The following BEND4 variants were observed in gnomAD, a reference collection of about 807,000 sequenced individuals.
BEND4 encodes BEN domain containing 4, also known as BEN domain-containing protein 4.
BEND4 carries 27 observed loss-of-function variants against 54.7 expected under a neutral mutation model. That is an observed-to-expected ratio of 0.49 (90% CI 0.36 to 0.68). BEND4 has a LOEUF of 0.68. BEND4 is among the 30% of genes least tolerant of loss of function. The pLI is 0.00. For synonymous variants in BEND4, 327 were observed against 299.5 expected (o/e 1.09, Z -0.95); for missense variants, 702 against 697.2 (o/e 1.01, Z -0.08).
chr4:42,135,790 CA>C, intron 3 of BEND4, among the ~76,000 whole-genome samples: 1 of 142,522 alleles, frequency 7.0e-6, no homozygotes, highest in African/African-American at 3.0e-5. Context: ...ACCAACCAAA[CA>C]AACATACAAA....
Position 42,117,461 on chromosome 4 carries a change from C to T in BEND4, c.*57G>A, listed in dbSNP as rs1026203540. On this transcript the variant is annotated 3_prime_UTR_variant, in exon 6 of 6. Transcript: ENST00000502486. ...GGACTCTCAGGTGACAGGAACAGGACATTCACAATTGGAACTCTTGAGAGG... is the reference window on the plus strand; with the variant it reads ...GGACTCTCAGGTGACAGGAACAGGATATTCACAATTGGAACTCTTGAGAGG... 8.9e-6 allele frequency: 11 copies of T among 1,236,192 alleles called. No individual in the cohort carries two copies. Among genetic ancestry groups the T allele is most frequent in the East Asian group, 2.5e-5 (1 of 40,316 alleles). 76.6% of individuals were successfully genotyped at this position (1,236,192 alleles called of 1,614,324 possible). A position where few individuals can be genotyped will look rare whatever the true frequency, so the allele number is the denominator to read the frequency against.
intron 3 of BEND4, among the ~76,000 whole-genome samples, chr4:42,136,567 C>A (rs961034603): frequency 1.4e-4 from 22 of 152,374 alleles, no homozygotes; most frequent in Admixed American, 1.3e-3. Flanking sequence ...GACATGCATA[C>A]ATTCCCAGCT....
At chr4:42,125,015 A>C (rs1434554134) in intron 4 of BEND4, among the ~76,000 whole-genome samples, 1 of 152,204 alleles carries the variant, frequency 6.6e-6, no homozygotes, top group Non-Finnish European at 1.5e-5. Context: ...CATGGTTCTC[A>C]AGTCTCGTAT....
intron 4 of BEND4, among the ~76,000 whole-genome samples, chr4:42,122,691 C>T (rs968612443): frequency 2.6e-5 from 4 of 152,140 alleles, no homozygotes; most frequent in African/African-American, 4.8e-5. Context: ...TGTAAATATT[C>T]GTCAGCCTTA....
At chr4:42,147,069 G>C (rs927826052) in intron 2 of BEND4, among the ~76,000 whole-genome samples, 2 of 151,910 alleles carry the variant, frequency 1.3e-5, no homozygotes, top group African/African-American at 4.8e-5. Flanking sequence ...TGAGAGAATA[G>C]TTACAATCAT....
chr4:42,141,557 C>T (rs201906459), intron 3 of BEND4, among the ~76,000 whole-genome samples: 14 of 152,170 alleles, frequency 9.2e-5, no homozygotes, highest in African/African-American at 3.1e-4. Flanking sequence ...TGTGGCGAAA[C>T]GCTGTCTCTA....
chr4:42,142,158 G>A (rs1052943678), intron 3 of BEND4, among the ~76,000 whole-genome samples: 6 of 150,674 alleles, frequency 4.0e-5, no homozygotes, highest in Non-Finnish European at 7.4e-5. Context: ...GCCCCCCCTC[G>A]GCCTCCCAAA....
At chr4:42,124,407 G>A (rs1456847093) in intron 4 of BEND4, among the ~76,000 whole-genome samples, 1 of 152,194 alleles carries the variant, frequency 6.6e-6, no homozygotes, top group Non-Finnish European at 1.5e-5. Flanking sequence ...AGGCAGTAGA[G>A]AGTGAGAGAA....
chr4:42,149,366 T>A (rs1379209990), intron 2 of BEND4, among the ~76,000 whole-genome samples: 1 of 152,188 alleles, frequency 6.6e-6, no homozygotes, highest in African/African-American at 2.4e-5. Context: ...CCATCAGTGA[T>A]TAATATTATG....
chr4:42,148,328 A>C (rs942155785), intron 2 of BEND4, among the ~76,000 whole-genome samples: 1 of 152,220 alleles, frequency 6.6e-6, no homozygotes, highest in Admixed American at 6.5e-5. Flanking sequence ...CTAAATAAAT[A>C]AATCAATGAT....
intron 3 of BEND4, among the ~76,000 whole-genome samples, chr4:42,138,702 CAA>C (rs1720782419): frequency 6.6e-6 from 1 of 152,142 alleles, no homozygotes; most frequent in African/African-American, 2.4e-5. Context: ...CTTTACAAAA[CAA>C]AGTTTATTTA....
At position 42,151,781 on chromosome 4, in the gene BEND4, G is replaced by C. The variant is rs1306567161; in HGVS notation, c.363C>G (p.Pro121=). The part of the protein sequence containing the change: ...GHLRTPAQPP[P]ASPAASSSSS... Reference sequence around the variant, plus strand: ...ACGACGAGGAGGCGGCGGGGGACGCGGGCGGCGGCTGCGCCGGAGTCCTCA... The same window carrying C: ...ACGACGAGGAGGCGGCGGGGGACGCCGGCGGCGGCTGCGCCGGAGTCCTCA... Residue 121 remains proline, a synonymous_variant, in exon 2 of 6, where the codon CCC becomes CCG. Transcript: ENST00000502486. 30 of 1,493,836 alleles carry C rather than the reference G, an allele frequency of 2.0e-5. No individual in the cohort carries two copies. The highest frequency in any genetic ancestry group is 2.7e-5 in the Non-Finnish European group (30 of 1,128,946). 92.5% of individuals were successfully genotyped at this position (1,493,836 alleles called of 1,614,324 possible). A position where few individuals can be genotyped will look rare whatever the true frequency, so the allele number is the denominator to read the frequency against.
rs1356428655 is a variant in BEND4 at position 42,151,523 on chromosome 4, G to A, written c.487+134C>T. On this transcript the variant is annotated intron_variant, in intron 2 of 5. Coordinates refer to ENST00000502486, the MANE Select transcript of BEND4 (RefSeq NM_207406.4). ...TCGAAGTTTCCGGGTGCGCGGGGAG[G>A]CCCCAGGTGCGCCCCGACATCCCGA... The A allele has an allele frequency of 4.4e-6, 4 of 906,628 alleles. No individual in the cohort carries two copies. The East Asian group carries it at 1.0e-4, about 23-fold the overall frequency. 56.2% of individuals were successfully genotyped at this position (906,628 alleles called of 1,614,324 possible). A position where few individuals can be genotyped will look rare whatever the true frequency, so the allele number is the denominator to read the frequency against.
chr4:42,151,755 G>A lies in BEND4; in HGVS notation c.389C>T (p.Ser130Phe). The change falls in exon 2 of 6, where the codon TCT becomes TTT. Residue 130 changes from serine to phenylalanine, a missense_variant. Ser to Phe is a radical substitution (Grantham distance 155). Coordinates refer to ENST00000502486, the MANE Select transcript of BEND4 (RefSeq NM_207406.4). ...ATACCTGACGACAGCGGCGAACGAA[G>A]ACGACGAGGAGGCGGCGGGGGACGC... ...PPASPAASSS[S>F]SFAAVVRYGP... The A allele has an allele frequency of 6.7e-7, 1 of 1,499,848 alleles. No individual in the cohort carries two copies. Among genetic ancestry groups the A allele is most frequent in the Non-Finnish European group, 8.8e-7 (1 of 1,130,886 alleles). The allele number at this position is 1,499,848 out of a possible 1,614,324, so 92.9% of individuals were successfully genotyped here.
chr4:42,152,029 T>G lies in BEND4; in HGVS notation c.115A>C (p.Lys39Gln). The G allele has an allele frequency of 7.2e-6, 9 of 1,251,938 alleles. No homozygotes were observed. The highest frequency in any genetic ancestry group is 9.1e-6 in the Non-Finnish European group (9 of 991,550). The allele number at this position is 1,251,938 out of a possible 1,614,324, so 77.6% of individuals were successfully genotyped here. A position where few individuals can be genotyped will look rare whatever the true frequency, so the allele number is the denominator to read the frequency against. Residue 39 changes from lysine to glutamine, a missense_variant, in exon 2 of 6, where the codon AAG (lysine) becomes CAG (glutamine). By Grantham distance (53) the Lys-to-Gln change is moderately conservative (BLOSUM62 1). Transcript: ENST00000502486. ...TFPSKRPALA[K>Q]RYERPTLVEL... ...ACCAGGGTGGGTCGCTCGTAGCGCTTGGCCAGCGCCGGTCTCTTGCTGGGG... is the reference window on the plus strand; with the variant it reads ...ACCAGGGTGGGTCGCTCGTAGCGCTGGGCCAGCGCCGGTCTCTTGCTGGGG...
chr4:42,121,206 A>G lies in BEND4; in HGVS notation c.1147-912T>C, dbSNP rs906520835. ...CTCGGCAAATTTACTACAGGTTATA[A>G]ATTTGGCACCATTTGGATCTGATAG... is the stretch of plus-strand genomic sequence containing the variant. On this transcript the variant is annotated intron_variant, in intron 4 of 5. Transcript: ENST00000502486. Among the ~76,000 whole-genome samples the G allele has an allele frequency of 7.2e-5, 11 of 152,318 alleles. No individual in the cohort carries two copies. In the South Asian group the frequency reaches 2.1e-3, roughly 29 times the overall value.
Position 42,143,922 on chromosome 4 carries a change from T to G in BEND4, c.560A>C (p.Lys187Thr), listed in dbSNP as rs1376874805. 3 of 1,536,848 alleles carry G rather than the reference T, an allele frequency of 2.0e-6. No individual in the cohort carries two copies. The highest frequency in any genetic ancestry group is 2.6e-6 in the Non-Finnish European group (3 of 1,146,062). The change falls in exon 3 of 6, where the codon AAA becomes ACA. Residue 187 changes from lysine to threonine, a missense_variant. Physicochemically the swap from Lys to Thr is moderately conservative, Grantham distance 78. Coordinates refer to ENST00000502486, the MANE Select transcript of BEND4 (RefSeq NM_207406.4). ...CTGAGAATGGTTGGAGTCCAGGAGTTTTCCTCCACAATTTAAGAGGCTAAG... is the reference window on the plus strand; with the variant it reads ...CTGAGAATGGTTGGAGTCCAGGAGTGTTCCTCCACAATTTAAGAGGCTAAG... ...RVLSLLNCGG[K>T]LLDSNHSQSM...
chr4:42,120,250 G>C lies in BEND4; in HGVS notation c.1191C>G (p.Ser397Arg), dbSNP rs1720004403. Reference protein sequence around the residue: ...LLNNYPVYITSKQWDEAVNSS... With the variant: ...LLNNYPVYITRKQWDEAVNSS... ...AATTTACAGCCTCATCCCACTGTTT[G>C]CTCGTTATGTAGACAGGATAGTTGT... The change falls in exon 5 of 6, where the codon AGC becomes AGG. Residue 397 changes from serine (S) to arginine (R), a missense_variant. Physicochemically the swap from Ser to Arg is moderately radical, Grantham distance 110. Transcript: ENST00000502486. 1.9e-6 allele frequency: 3 copies of C among 1,613,300 alleles called. No homozygotes were observed. Among genetic ancestry groups the C allele is most frequent in the Non-Finnish European group, 2.5e-6 (3 of 1,179,536 alleles).
intron 3 of BEND4, among the ~76,000 whole-genome samples, chr4:42,141,787 G>GT (rs1338266153): frequency 2.6e-5 from 4 of 152,132 alleles, no homozygotes; most frequent in Non-Finnish European, 5.9e-5. Context: ...TTATGCATAT[G>GT]TATCAGCATT....
Sources: gnomAD v4.1 joint callset for allele counts (sites outside exome capture counted in the v4.1 genomes callset) on GRCh38, gnomAD v4.1.1 for gene constraint, MANE v1.5 for transcripts, NCBI Gene and HGNC (gene_info 2026-07-23, HGNC 2026-07-21) for gene names.